Variants in ADGRL2 observed in about 807,000 individuals in gnomAD.
ADGRL2 encodes the protein calcium-independent alpha-latrotoxin receptor 2.
In ADGRL2, 44 loss-of-function variants were observed where a neutral mutation model predicts 157.4. The observed-to-expected ratio is 0.28, with a 90% CI of 0.22 to 0.36. The LOEUF (loss-of-function observed/expected upper bound fraction) is 0.36. Ranked by LOEUF, ADGRL2 falls within the 10% of genes least tolerant of loss-of-function variation. ADGRL2 has a pLI of 1.00. For missense variants in ADGRL2, 1,510 were observed against 1,768.9 expected (o/e 0.85, Z 2.63); for synonymous variants, 585 against 624.7 (o/e 0.94, Z 0.95).
At chr1:81,831,680 G>A (rs757356348) in intron 1 of ADGRL2, among the ~76,000 whole-genome samples, 23 of 152,048 alleles carry the variant, frequency 1.5e-4, no homozygotes, top group Non-Finnish European at 2.5e-4. Flanking sequence ...TATCTACCTA[G>A]TTTAGCTGTA....
intron 1 of ADGRL2, among the ~76,000 whole-genome samples, chr1:81,350,371 C>T (rs1259154491): frequency 6.6e-6 from 1 of 152,126 alleles, no homozygotes; most frequent in East Asian, 1.9e-4. Flanking sequence ...ATGATTGACA[C>T]AATGAACATT....
chr1:81,801,674 C>T (rs1224560457), intron 1 of ADGRL2, among the ~76,000 whole-genome samples: 1 of 152,182 alleles, frequency 6.6e-6, no homozygotes, highest in East Asian at 1.9e-4. Context: ...GGGTCGCCGC[C>T]GCCTCCCGCC....
At chr1:81,895,155 G>C (rs935174240) in intron 2 of ADGRL2, among the ~76,000 whole-genome samples, 1 of 152,140 alleles carries the variant, frequency 6.6e-6, no homozygotes, top group Non-Finnish European at 1.5e-5. Flanking sequence ...TCAGAGAAAT[G>C]AGTGGGTGGT....
intron 20 of ADGRL2, 52 bp downstream of exon 20, chr1:81,984,763 A>G (rs763590864): frequency 7.5e-5 from 119 of 1,589,448 alleles, no homozygotes; most frequent in Middle Eastern, 1.7e-4. Context: ...TAGAAAACCT[A>G]CTGAGACATG....
At chr1:81,912,908 G>A (rs2094766274) in intron 3 of ADGRL2, among the ~76,000 whole-genome samples, 1 of 152,108 alleles carries the variant, frequency 6.6e-6, no homozygotes, top group African/African-American at 2.4e-5. Flanking sequence ...TGGTCACATG[G>A]AGCCAGATGA....
intron 2 of ADGRL2, chr1:81,501,682 G>A: frequency 1.3e-6 from 2 of 1,559,022 alleles, no homozygotes; most frequent in Non-Finnish European, 1.7e-6. Flanking sequence ...AACCCGGAGT[G>A]CCCCGCACAG....
chr1:81,523,791 C>T (rs1055774808), intron 2 of ADGRL2, among the ~76,000 whole-genome samples: 1 of 152,218 alleles, frequency 6.6e-6, no homozygotes, highest in Non-Finnish European at 1.5e-5. Flanking sequence ...GGGCCTGGTA[C>T]GGTGGCTTGT....
At chr1:81,592,969 A>G (rs1010899275) in intron 3 of ADGRL2, among the ~76,000 whole-genome samples, 78 of 152,140 alleles carry the variant, frequency 5.1e-4, no homozygotes, top group African/African-American at 1.9e-3. Flanking sequence ...GGGACAACCC[A>G]TTTATCCCAA....
chr1:81,604,263 C>T (rs929962921), intron 3 of ADGRL2, among the ~76,000 whole-genome samples: 13 of 152,136 alleles, frequency 8.5e-5, no homozygotes, highest in African/African-American at 3.1e-4. Flanking sequence ...CTGTGCCTGG[C>T]CTATAAGAAC....
rs1469377175 is a variant in ADGRL2, at chr1:81,991,994, A to G, written c.*849A>G. On this transcript the variant is annotated 3_prime_UTR_variant, in exon 24 of 24. Coordinates refer to ENST00000686636, the MANE Select transcript of ADGRL2 (RefSeq NM_001366006.2). ...GACAAAGTTGGTCTTTATTACTTAC[A>G]TTTAAATTTCTTATTGCCAAAAGAA... is the stretch of plus-strand genomic sequence containing the variant. 6.6e-6 allele frequency: 1 copy of G among 152,560 alleles called. No individual in the cohort carries two copies. Among genetic ancestry groups the G allele is most frequent in the African/African-American group, 2.4e-5 (1 of 41,432 alleles). The allele number at this position is 152,560 out of a possible 1,614,324, so 9.5% of individuals were successfully genotyped here.
chr1:81,605,768 T>C (rs2081419986), intron 3 of ADGRL2, among the ~76,000 whole-genome samples: 1 of 152,164 alleles, frequency 6.6e-6, no homozygotes, highest in Non-Finnish European at 1.5e-5. Flanking sequence ...TTGCCAACAG[T>C]CTAGTTCTAT....
chr1:81,481,239 A>G (rs1196486302), intron 2 of ADGRL2, among the ~76,000 whole-genome samples: 1 of 152,228 alleles, frequency 6.6e-6, no homozygotes, highest in Non-Finnish European at 1.5e-5. Flanking sequence ...TAAACTATCA[A>G]TAAGGAGATA....
intron 3 of ADGRL2, among the ~76,000 whole-genome samples, chr1:81,677,646 A>G (rs1277733184): frequency 2.6e-5 from 4 of 151,866 alleles, no homozygotes; most frequent in Non-Finnish European, 5.9e-5. Context: ...TCTTCTTTTC[A>G]TCTTCCTTTG....
intron 3 of ADGRL2, among the ~76,000 whole-genome samples, chr1:81,666,005 C>A (rs1326062024): frequency 6.6e-6 from 1 of 152,122 alleles, no homozygotes; most frequent in African/African-American, 2.4e-5. Context: ...AATAGCTGGA[C>A]TAAGGCAAAG....
intron 2 of ADGRL2, among the ~76,000 whole-genome samples, chr1:81,851,488 CTG>C (rs1340675685): frequency 9.2e-5 from 14 of 151,804 alleles, no homozygotes; most frequent in African/African-American, 2.9e-4. Context: ...AGAAAATCCT[CTG>C]TGATTTTAGC....
intron 1 of ADGRL2, among the ~76,000 whole-genome samples, chr1:81,345,335 G>A (rs1662402390): frequency 6.6e-6 from 1 of 152,160 alleles, no homozygotes; most frequent in African/African-American, 2.4e-5. Context: ...CTTATCCAAG[G>A]TGATACATTG....
chr1:81,803,757 C>T (rs903442014), intron 1 of ADGRL2, among the ~76,000 whole-genome samples: 3 of 152,174 alleles, frequency 2.0e-5, no homozygotes, highest in Non-Finnish European at 4.4e-5. Flanking sequence ...CTTCCCCACC[C>T]CGCCCTCAAT....
At chr1:81,781,606 T>C (rs2086814927) in intron 2 of ADGRL2, among the ~76,000 whole-genome samples, 1 of 152,150 alleles carries the variant, frequency 6.6e-6, no homozygotes, top group Admixed American at 6.5e-5. Context: ...GCATTTCAGG[T>C]TGGTTACAGA....
chr1:81,331,694 A>G (rs901103289), intron 1 of ADGRL2, among the ~76,000 whole-genome samples: 1 of 152,286 alleles, frequency 6.6e-6, no homozygotes, highest in East Asian at 1.9e-4. Context: ...CAAAGTATAG[A>G]AATCAAATAG....
Sources: allele counts gnomAD v4.1 joint callset (sites outside exome capture counted in the v4.1 genomes callset), GRCh38; gene constraint gnomAD v4.1.1; transcripts MANE v1.5; gene names NCBI Gene and HGNC (gene_info 2026-07-23, HGNC 2026-07-21).